Variants in GAS6 observed in about 807,000 individuals in gnomAD.
GAS6 encodes growth arrest-specific protein 6.
Under a neutral mutation model 75.8 loss-of-function variants are expected in GAS6, and 41 were observed. That is an observed-to-expected ratio of 0.54 (90% CI 0.42 to 0.70). GAS6 has a LOEUF of 0.70. GAS6 is among the 30% of genes least tolerant of loss of function. GAS6 has a pLI of 0.00. For missense variants in GAS6, 854 were observed against 940.2 expected, an observed-to-expected ratio of 0.91 and a Z score of 1.20; for synonymous variants, 432 against 412.6, an observed-to-expected ratio of 1.05 and a Z score of -0.57.
At chr13:113,862,350 G>A (rs1378849798) in intron 2 of GAS6, among the ~76,000 whole-genome samples, 1 of 152,226 alleles carries the variant, frequency 6.6e-6, no homozygotes, top group Non-Finnish European at 1.5e-5. Context: ...TCCGGGTGAG[G>A]ACGCTGTTGG....
Position 113,834,954 on chromosome 13 carries a change from G to A in GAS6, c.713-282C>T, listed in dbSNP as rs184832229. ...GACCCACCCCCGCTGCCGGGCCGGT[G>A]TGGAAGGCAGGTCTGGGAAGCACAG... On this transcript the variant is annotated intron_variant, in intron 7 of 14. Coordinates refer to ENST00000327773, the MANE Select transcript of GAS6 (RefSeq NM_000820.4). 5.3e-3 allele frequency among the ~76,000 whole-genome samples: 807 copies of A among 152,370 alleles called. 5 individuals are homozygous for A. Among genetic ancestry groups the A allele is most frequent in the African/African-American group, 0.018 (767 of 41,596 alleles).
chr13:113,839,596 G>A, intron 5 of GAS6, 132 bp downstream of exon 5: 1 of 1,191,856 alleles, frequency 8.4e-7, no homozygotes, highest in Non-Finnish European at 1.2e-6. Context: ...GATACCTCAG[G>A]GCTGCAGCCT....
At chr13:113,824,279 CGGG>C in intron 12 of GAS6, among the ~76,000 whole-genome samples, 1 of 135,886 alleles carries the variant, frequency 7.4e-6, no homozygotes, top group African/African-American at 2.8e-5. Context: ...TCTGAGCTGT[CGGG>C]AGCACGCGCG....
At chr13:113,831,789 C>T (rs1304994054) in intron 10 of GAS6, among the ~76,000 whole-genome samples, 6 of 131,834 alleles carry the variant, frequency 4.6e-5, no homozygotes, top group Middle Eastern at 4.1e-3. Flanking sequence ...CAGGGGTCCC[C>T]GTCCCCCGGA....
chr13:113,842,515 G>A (rs980894840), intron 4 of GAS6: 5 of 396,280 alleles, frequency 1.3e-5, no homozygotes, highest in Non-Finnish European at 2.2e-5. Context: ...CTGTGTCCGC[G>A]GGGCGTCTGG....
Position 113,844,922 on chromosome 13 carries a change from T to C in GAS6, c.343+1605A>G, listed in dbSNP as rs1442173889. 6.6e-6 allele frequency: 1 copy of C among 150,810 alleles called. No homozygotes were observed. The highest frequency in any genetic ancestry group is 6.6e-5 in the Admixed American group (1 of 15,246). The allele number at this position is 150,810 out of a possible 1,614,324, so 9.3% of individuals were successfully genotyped here. ...ATGAAAACACCTAACAGCAGGTAACTGTTTTGTAATCTTGGGGAGAAGCCT... is the reference window on the plus strand; with the variant it reads ...ATGAAAACACCTAACAGCAGGTAACCGTTTTGTAATCTTGGGGAGAAGCCT... On this transcript the variant is annotated intron_variant, in intron 4 of 14. Transcript: ENST00000327773. The surrounding 1 kb of genome is among the most constrained non-coding windows in gnomAD (Gnocchi z 5.7).
rs1178707860 is a variant in GAS6 at position 113,828,621 on chromosome 13, G to C, written c.1234C>G (p.Pro412Ala). The change falls in exon 11 of 15, where the codon CCG (proline) becomes GCG (alanine). Residue 412 changes from proline to alanine, a missense_variant. Coordinates refer to ENST00000327773, the MANE Select transcript of GAS6 (RefSeq NM_000820.4). ...TTCAGATGATACAGTCCTCGCTCCG[G>C]TTGGAACAAGTCCCCGGCCACCGCG... The part of the protein sequence containing the change: ...KIAVAGDLFQ[P>A]ERGLYHLNLT... The C allele has an allele frequency of 1.2e-6, 2 of 1,613,604 alleles. No individual in the cohort carries two copies. The highest frequency in any genetic ancestry group is 2.2e-5 in the South Asian group (2 of 91,078).
chr13:113,851,189 G>A (rs761764163), intron 2 of GAS6, among the ~76,000 whole-genome samples: 65 of 152,018 alleles, frequency 4.3e-4, no homozygotes, highest in Non-Finnish European at 8.5e-4. Context: ...GTGGGTAAAT[G>A]AATAAATGCG....
rs1030293838 is a variant in GAS6 at position 113,821,988 on chromosome 13, G to A, written c.1852C>T (p.Pro618Ser). Residue 618 changes from proline (P) to serine (S), a missense_variant, in exon 14 of 15, where the codon CCC becomes TCC. Transcript: ENST00000327773. Reference protein sequence around the residue: ...LAVLERHLRSPVLTFAGGLPD... With the variant: ...LAVLERHLRSSVLTFAGGLPD... ...AGGCCGCCAGCAAAGGTGAGCACGG[G>A]GCTCCGCAGGTGCCTCTCGAGCACG... 1.4e-5 allele frequency: 22 copies of A among 1,546,266 alleles called. No individual in the cohort carries two copies. In the East Asian group the frequency reaches 2.4e-4, roughly 17 times the overall value.
At chr13:113,858,223 T>C (rs2138665673) in intron 2 of GAS6, among the ~76,000 whole-genome samples, 1 of 152,368 alleles carries the variant, frequency 6.6e-6, no homozygotes, top group African/African-American at 2.4e-5. Context: ...TGTGTGTGTC[T>C]GCATGCATGT....
chr13:113,838,208 G>A lies in GAS6; in HGVS notation c.467-17C>T. 6.2e-7 allele frequency: 1 copy of A among 1,611,712 alleles called. No homozygotes were observed. The highest frequency in any genetic ancestry group is 1.7e-5 in the Admixed American group (1 of 59,996). Reference sequence around the variant, plus strand: ...CGTTGACATCTGGGAACAAGCACAGGCCTGAAGGGGAGCCCAAGGGTGCAC... The same window carrying A: ...CGTTGACATCTGGGAACAAGCACAGACCTGAAGGGGAGCCCAAGGGTGCAC... On this transcript the variant is annotated splice_polypyrimidine_tract_variant and intron_variant, in intron 5 of 14. Coordinates refer to ENST00000327773, the MANE Select transcript of GAS6 (RefSeq NM_000820.4).
In GAS6 at chr13:113,820,987, C is replaced by T. The variant is rs150170581; in HGVS notation, c.1914G>A (p.Ala638=). The T allele has an allele frequency of 3.3e-5, 53 of 1,612,666 alleles. No homozygotes were observed. In the East Asian group the frequency reaches 5.1e-4, roughly 16 times the overall value. ...DVPVTSAPVT[A]FYRGCMTLEV... is the part of the protein sequence containing the mutation. Reference sequence around the variant, plus strand: ...CCAGTGTCATGCAGCCGCGGTAGAACGCGGTGACTGGCGCTGAAGTCACCG... The same window carrying T: ...CCAGTGTCATGCAGCCGCGGTAGAATGCGGTGACTGGCGCTGAAGTCACCG... Residue 638 remains alanine, a synonymous_variant, in exon 15 of 15, where the codon GCG becomes GCA. Transcript: ENST00000327773.
In GAS6 at chr13:113,823,457, G is replaced by GCAAA. The variant is rs1263425315; in HGVS notation, c.1567_1570dup (p.Ala524ValfsTer63). 3.1e-6 allele frequency: 5 copies of GCAAA among 1,612,634 alleles called. No homozygotes were observed. Among genetic ancestry groups the GCAAA allele is most frequent in the Non-Finnish European group, 4.2e-6 (5 of 1,179,956 alleles). ...GGCACGGAGGTCGGGGGCCCAGAGC[G>GCAAA]CAAACAGCACGCCTGTGTCTGCGGC... On this transcript the variant is annotated frameshift_variant, in exon 13 of 15. Coordinates refer to ENST00000327773, the MANE Select transcript of GAS6 (RefSeq NM_000820.4).
At chr13:113,832,775 CG>C (rs2051645997) in intron 8 of GAS6, 23 bp from the exon 9 acceptor site, 1 of 1,612,050 alleles carries the variant, frequency 6.2e-7, no homozygotes, top group Non-Finnish European at 8.5e-7. Flanking sequence ...GGGGCCACGC[CG>C]GTCGGGGATG....
chr13:113,863,779 C>G lies in GAS6; in HGVS notation c.89-38G>C. 1 of 1,425,470 alleles carries G rather than the reference C, an allele frequency of 7.0e-7. No individual in the cohort carries two copies. Among genetic ancestry groups the G allele is most frequent in the South Asian group, 1.4e-5 (1 of 69,056 alleles). 88.3% of individuals were successfully genotyped at this position (1,425,470 alleles called of 1,614,324 possible). The stretch of plus-strand genomic sequence containing the variant: ...AGAGAGGGGGACGCGTCAAGCCGCG[C>G]CCGGAGCCTCCTCCCGCCGCCCGGG... On this transcript the variant is annotated intron_variant, in intron 1 of 14. Coordinates refer to ENST00000327773, the MANE Select transcript of GAS6 (RefSeq NM_000820.4). The surrounding 1 kb of genome is among the most constrained non-coding windows in gnomAD (Gnocchi z 9.4).
intron 10 of GAS6, among the ~76,000 whole-genome samples, chr13:113,829,149 A>C (rs2051593519): frequency 1.1e-5 from 1 of 93,662 alleles, no homozygotes; most frequent in Non-Finnish European, 1.9e-5. Context: ...CCTCAGGGAG[A>C]CCACCTGATC....
At chr13:113,826,462 C>T (rs74478716) in intron 12 of GAS6, among the ~76,000 whole-genome samples, 2,865 of 76,540 alleles carry the variant, frequency 0.037, 29 homozygotes, top group Non-Finnish European at 0.055. Flanking sequence ...CTCCCGGCGC[C>T]GGCCTCGCAG....
chr13:113,862,782 G>T (rs764555378), intron 2 of GAS6, among the ~76,000 whole-genome samples: 92 of 152,170 alleles, frequency 6.0e-4, no homozygotes, highest in Non-Finnish European at 1.2e-3. Flanking sequence ...TCTTTAAAAG[G>T]AACATTCCAG....
intron 3 of GAS6, chr13:113,847,124 G>C (rs765518349): frequency 8.3e-6 from 3 of 363,072 alleles, no homozygotes; most frequent in African/African-American, 6.4e-5. Flanking sequence ...AGAACGGTGC[G>C]GGGCCTCTCG....
Sources: gnomAD v4.1 joint callset for allele counts (sites outside exome capture counted in the v4.1 genomes callset) on GRCh38, gnomAD v4.1.1 for gene constraint, Gnocchi (gnomAD v3.1) non-coding constraint, MANE v1.5 for transcripts, NCBI Gene and HGNC (gene_info 2026-07-23, HGNC 2026-07-21) for gene names.